ZNF101: variants seen among roughly 807,000 people sequenced by gnomAD.
ZNF101 encodes zinc finger protein 101 (Y2).
ZNF101 carries 34 observed loss-of-function variants against 42.6 expected under a neutral mutation model. The ratio of observed to expected loss-of-function variants is 0.80; its 90% CI spans 0.61 to 1.06. The LOEUF (loss-of-function observed/expected upper bound fraction) is 1.06. Among genes scored for constraint, ZNF101 ranks in the 50% least tolerant of loss-of-function variants. The pLI is 0.00. For synonymous variants in ZNF101, 158 were observed against 183.9 expected (o/e 0.86, Z 1.14); for missense variants, 466 against 530.9 (o/e 0.88, Z 1.20).
In ZNF101 at chr19:19,677,889, C is replaced by T. The variant is rs767390576; in HGVS notation, c.29C>T (p.Ala10Val). 3 of 1,612,206 alleles carry T rather than the reference C, an allele frequency of 1.9e-6. No individual in the cohort carries two copies. The highest frequency in any genetic ancestry group is 2.5e-6 in the Non-Finnish European group (3 of 1,178,864). Residue 10 changes from alanine (A) to valine (V), a missense_variant, in exon 2 of 4, where the codon GCT becomes GTT. Ala to Val is a moderately conservative substitution (Grantham distance 64). Coordinates refer to ENST00000592502, the MANE Select transcript of ZNF101 (RefSeq NM_033204.4). The stretch of plus-strand genomic sequence containing the variant: ...GACTCAGTGGCCTTTGAGGATGTGG[C>T]TGTGAACTTCACCCAGGAGGAGTGG... The part of the protein sequence containing the change: MDSVAFEDV[A>V]VNFTQEEWAL...
At chr19:19,675,918 G>A (rs2062200349) in intron 1 of ZNF101, among the ~76,000 whole-genome samples, 1 of 152,166 alleles carries the variant, frequency 6.6e-6, no homozygotes, top group Non-Finnish European at 1.5e-5. Flanking sequence ...GATCACTTGA[G>A]CCTGGGAGGT....
At position 19,682,635 on chromosome 19, in the gene ZNF101, T is replaced by C. The variant is rs1278423347; in HGVS notation, c.*2335T>C. The C allele has an allele frequency of 1.3e-5, 2 of 152,214 alleles. No homozygotes were observed. Among genetic ancestry groups the C allele is most frequent in the East Asian group, 3.8e-4 (2 of 5,198 alleles). The allele number at this position is 152,214 out of a possible 1,614,324, so 9.4% of individuals were successfully genotyped here. A position where few individuals can be genotyped will look rare whatever the true frequency, so the allele number is the denominator to read the frequency against. On this transcript the variant is annotated 3_prime_UTR_variant, in exon 4 of 4. Coordinates refer to ENST00000592502, the MANE Select transcript of ZNF101 (RefSeq NM_033204.4). Reference sequence around the variant, plus strand: ...CCTGAGGTTTAATAGGAAGTGTTTTTATCCTAAGTTAGTTAATAAAATTTT... The same window carrying C: ...CCTGAGGTTTAATAGGAAGTGTTTTCATCCTAAGTTAGTTAATAAAATTTT...
chr19:19,672,854 C>G (rs1372410512), intron 1 of ZNF101, among the ~76,000 whole-genome samples: 3 of 151,416 alleles, frequency 2.0e-5, no homozygotes, highest in African/African-American at 4.8e-5. Flanking sequence ...AAAAAGAAAA[C>G]AAAACAAAAA....
rs746003654 is a variant in ZNF101, at chr19:19,680,117, G to A, written c.1128G>A (p.Gly376=). 86 of 1,613,726 alleles carry A rather than the reference G, an allele frequency of 5.3e-5. No homozygotes were observed. Among genetic ancestry groups the A allele is most frequent in the Admixed American group, 1.2e-4 (7 of 59,960 alleles). ...YECTRCGKAF[G]WCSSLRRHEM... is the part of the protein sequence containing the mutation. ...GTACAAGGTGTGGTAAAGCCTTTGG[G>A]TGGTGCAGTTCCCTCCGAAGACATG... Residue 376 remains glycine, a synonymous_variant, in exon 4 of 4, where the codon GGG becomes GGA. Coordinates refer to ENST00000592502, the MANE Select transcript of ZNF101 (RefSeq NM_033204.4).
Position 19,678,813 on chromosome 19 carries a change from G to A in ZNF101, c.191+27G>A, listed in dbSNP as rs367853335. 9.5e-6 allele frequency: 15 copies of A among 1,586,766 alleles called. No individual in the cohort carries two copies. The African/African-American group carries it at 1.9e-4, about 20-fold the overall frequency. ...TAATCTCCACTCACAAGAGGAAGCA[G>A]TGTCTCTTGAGGGAATCTTAGTAGG... is the stretch of plus-strand genomic sequence containing the variant. On this transcript the variant is annotated intron_variant, in intron 3 of 3. Transcript: ENST00000592502.
intron 2 of ZNF101, among the ~76,000 whole-genome samples, chr19:19,678,201 G>A (rs1328896732): frequency 6.6e-6 from 1 of 151,102 alleles, no homozygotes; most frequent in Non-Finnish European, 1.5e-5. Flanking sequence ...AGACCAGCCT[G>A]GGCAACATGA....
chr19:19,679,188 G>A lies in ZNF101; in HGVS notation c.199G>A (p.Val67Met). The stretch of plus-strand genomic sequence containing the variant: ...GTTTGTCATTTTTCATAGAAGTCTG[G>A]TGGAGAGACTCTGTGGACGTAAAGA... The part of the protein sequence containing the change: ...QNLGIKLRSL[V>M]ERLCGRKEGN... The change falls in exon 4 of 4, where the codon GTG (valine) becomes ATG (methionine). Residue 67 changes from valine to methionine, a missense_variant. Coordinates refer to ENST00000592502, the MANE Select transcript of ZNF101 (RefSeq NM_033204.4). The A allele has an allele frequency of 6.2e-7, 1 of 1,612,452 alleles. No homozygotes were observed.
chr19:19,673,451 T>C (rs2145047950), intron 1 of ZNF101, among the ~76,000 whole-genome samples: 1 of 151,988 alleles, frequency 6.6e-6, no homozygotes, highest in Non-Finnish European at 1.5e-5. Context: ...GGTTTCATCA[T>C]GTTAGCCAGG....
chr19:19,677,776 C>G (rs1297635369), intron 1 of ZNF101, 88 bp from the exon 2 acceptor site: 1 of 1,532,620 alleles, frequency 6.5e-7, no homozygotes, highest in Non-Finnish European at 8.8e-7. Flanking sequence ...TTTGGAGAGC[C>G]CGGCGTCATG....
At chr19:19,672,622 T>A (rs960864243) in intron 1 of ZNF101, among the ~76,000 whole-genome samples, 3 of 151,474 alleles carry the variant, frequency 2.0e-5, no homozygotes, top group Admixed American at 6.6e-5. Flanking sequence ...GCCTCCCAGG[T>A]TCAAACGATT....
At position 19,679,269 on chromosome 19, in the gene ZNF101, AAAAGTC is replaced by A; in HGVS notation, c.284_289del (p.Ser95_Gln96del). On this transcript the variant is annotated inframe_deletion, in exon 4 of 4. Coordinates refer to ENST00000592502, the MANE Select transcript of ZNF101 (RefSeq NM_033204.4). ...GATTCCTGATTGTCACCTGAACAAG[AAAAGTC>A]AAACTGGAGTGAAACCATGCAAATG... 1.2e-6 allele frequency: 2 copies of A among 1,614,240 alleles called. No homozygotes were observed. The highest frequency in any genetic ancestry group is 1.7e-6 in the Non-Finnish European group (2 of 1,180,052).
intron 1 of ZNF101, among the ~76,000 whole-genome samples, chr19:19,675,230 C>T (rs1204564534): frequency 3.9e-5 from 6 of 152,210 alleles, no homozygotes; most frequent in Non-Finnish European, 5.9e-5. Flanking sequence ...CTCCGCCTCC[C>T]GGGTTCATGG....
intron 1 of ZNF101, among the ~76,000 whole-genome samples, chr19:19,670,751 T>TA (rs373946641): frequency 1.4e-3 from 196 of 140,726 alleles, no homozygotes; most frequent in African/African-American, 3.1e-3. Context: ...ACCCTGTCTT[T>TA]AAAAAAAAAA....
In ZNF101 at chr19:19,681,812, G is replaced by A. The variant is rs2062241279; in HGVS notation, c.*1512G>A. ...CCTATAAACGTAAGTAATTTTGAAA[G>A]CCTGATGCAAATTAATTATTATATA... On this transcript the variant is annotated 3_prime_UTR_variant, in exon 4 of 4. Coordinates refer to ENST00000592502, the MANE Select transcript of ZNF101 (RefSeq NM_033204.4). 6.6e-6 allele frequency: 1 copy of A among 151,808 alleles called. No individual in the cohort carries two copies. Among genetic ancestry groups the A allele is most frequent in the South Asian group, 2.1e-4 (1 of 4,816 alleles). The allele number at this position is 151,808 out of a possible 1,614,324, so 9.4% of individuals were successfully genotyped here.
Position 19,679,661 on chromosome 19 carries a change from C to T in ZNF101, c.672C>T (p.Arg224=). The T allele has an allele frequency of 6.2e-7, 1 of 1,613,810 alleles. No individual in the cohort carries two copies. The highest frequency in any genetic ancestry group is 2.2e-5 in the East Asian group (1 of 44,886). Residue 224 remains arginine, a synonymous_variant, in exon 4 of 4, where the codon CGC becomes CGT. Transcript: ENST00000592502. The part of the protein sequence containing the change: ...KHGKMHTGEK[R]YECKYCGKPI... ...GAAAAATGCATACTGGAGAAAAACG[C>T]TATGAATGTAAATACTGTGGAAAAC...
At chr19:19,669,888 A>C (rs2062157986) in intron 1 of ZNF101, among the ~76,000 whole-genome samples, 1 of 152,122 alleles carries the variant, frequency 6.6e-6, no homozygotes, top group African/African-American at 2.4e-5. Context: ...AAAGCAGAAA[A>C]TAACCCCCTG....
At chr19:19,673,746 A>C (rs376121021) in intron 1 of ZNF101, among the ~76,000 whole-genome samples, 1 of 107,868 alleles carries the variant, frequency 9.3e-6, no homozygotes, top group Non-Finnish European at 1.8e-5. Context: ...AGTCTGGGCT[A>C]TTTGGTGTCC....
At position 19,669,328 on chromosome 19, in the gene ZNF101, G is replaced by A. The variant is rs533103470; in HGVS notation, c.3+362G>A. 2.2e-3 allele frequency among the ~76,000 whole-genome samples: 334 copies of A among 152,238 alleles called. 2 individuals are homozygous for A. Among genetic ancestry groups the A allele is most frequent in the African/African-American group, 5.9e-3 (245 of 41,548 alleles). ...GTTCCTCCTCCCTTAGGCGGTCCCC[G>A]TTTCCTTCGGAGTCTTCCAAAGGTG... On this transcript the variant is annotated intron_variant, in intron 1 of 3. Coordinates refer to ENST00000592502, the MANE Select transcript of ZNF101 (RefSeq NM_033204.4).
At chr19:19,668,772 A>G (rs2062148931), upstream of ZNF101, 8 of 637,778 alleles carry the variant, frequency 1.3e-5, no homozygotes, top group South Asian at 1.3e-4. Context: ...AAACTGTCCA[A>G]TCAGGTGCGC....
Sources: gnomAD v4.1 joint callset for allele counts (sites outside exome capture counted in the v4.1 genomes callset) on GRCh38, gnomAD v4.1.1 for gene constraint, MANE v1.5 for transcripts, NCBI Gene and HGNC (gene_info 2026-07-23, HGNC 2026-07-21) for gene names.